Variants in ZNF506 observed in about 807,000 individuals in gnomAD.
The protein encoded by ZNF506 is zinc finger protein 506.
In ZNF506, 10 loss-of-function variants were observed where a neutral mutation model predicts 11.6. The observed-to-expected ratio is 0.86, with a 90% CI of 0.53 to 1.46. The LOEUF is 1.46. Among genes scored for constraint, ZNF506 ranks in the 40% most tolerant of loss-of-function variants. The pLI, the probability that ZNF506 is intolerant of heterozygous loss-of-function variation, is 0.00. For missense variants in ZNF506, 425 were observed against 521.2 expected, an observed-to-expected ratio of 0.82 and a Z score of 1.80; for synonymous variants, 156 against 173.3, an observed-to-expected ratio of 0.90 and a Z score of 0.78.
intron 1 of ZNF506, among the ~76,000 whole-genome samples, chr19:19,817,129 G>A (rs1167976600): frequency 6.8e-6 from 1 of 146,190 alleles, no homozygotes; most frequent in Non-Finnish European, 1.5e-5. Context: ...TCAAACTTAA[G>A]TTTATCTCCC....
chr19:19,819,602 G>A (rs2062954889), intron 1 of ZNF506, among the ~76,000 whole-genome samples: 1 of 152,134 alleles, frequency 6.6e-6, no homozygotes, highest in African/African-American at 2.4e-5. Flanking sequence ...AAGGTTGGCT[G>A]AGGACACATC....
At chr19:19,815,293 A>T (rs549443259) in intron 1 of ZNF506, among the ~76,000 whole-genome samples, 3 of 151,758 alleles carry the variant, frequency 2.0e-5, no homozygotes, top group Non-Finnish European at 4.4e-5. Flanking sequence ...AAAACAAAAA[A>T]TACCATTGTG....
intron 1 of ZNF506, among the ~76,000 whole-genome samples, chr19:19,811,998 TTCA>T (rs2062887017): frequency 6.6e-6 from 1 of 152,096 alleles, no homozygotes; most frequent in Admixed American, 6.5e-5. Context: ...CCATGACTGC[TTCA>T]TGTTTTTTTT....
At position 19,795,617 on chromosome 19, in the gene ZNF506, G is replaced by A; in HGVS notation, c.270C>T (p.Ser90=). The change falls in exon 4 of 4, where the codon AGC becomes AGT. Residue 90 remains serine, a synonymous_variant. Transcript: ENST00000540806. ...TCACTTTTTGGAAAGAATCTTTTAT[G>A]CTCTGCTCTGACCAAAGGTCTTGGG... is the stretch of plus-strand genomic sequence containing the variant. The part of the protein sequence containing the change: ...HFAQDLWSEQ[S]IKDSFQKVIL... The A allele has an allele frequency of 6.5e-7, 1 of 1,542,026 alleles. No individual in the cohort carries two copies. Among genetic ancestry groups the A allele is most frequent in the African/African-American group, 1.4e-5 (1 of 72,234 alleles).
chr19:19,799,263 G>C (rs188163385), intron 3 of ZNF506: 1 of 404,656 alleles, frequency 2.5e-6, no homozygotes, highest in East Asian at 3.7e-5. Flanking sequence ...TATAATTATA[G>C]TAGGATATTT....
chr19:19,812,003 GT>G lies in ZNF506; in HGVS notation c.4-4936del, dbSNP rs761100646. ...ATTGTAGGAACCATGACTGCTTCATGTTTTTTTTTTTTTAAATGGCTATATG... is the reference window on the plus strand; with the variant it reads ...ATTGTAGGAACCATGACTGCTTCATGTTTTTTTTTTTTAAATGGCTATATG... On this transcript the variant is annotated intron_variant, in intron 1 of 3. Transcript: ENST00000540806. Among the ~76,000 whole-genome samples, 201 of 143,206 alleles carry G rather than the reference GT, an allele frequency of 1.4e-3. 1 individual carries two copies. Among genetic ancestry groups the G allele is most frequent in the South Asian group, 1.5e-3 (7 of 4,538 alleles). 93.9% of individuals were successfully genotyped at this position (143,206 alleles called of 152,430 possible).
chr19:19,811,474 T>C (rs1455189631), intron 1 of ZNF506, among the ~76,000 whole-genome samples: 1 of 152,252 alleles, frequency 6.6e-6, no homozygotes, highest in Non-Finnish European at 1.5e-5. Context: ...GGTAATTTTA[T>C]TAGAAAATAA....
At chr19:19,808,108 CTTTTTTTTTTTTTTT>C (rs757160026) in intron 1 of ZNF506, among the ~76,000 whole-genome samples, 43 of 56,772 alleles carry the variant, frequency 7.6e-4, no homozygotes, top group African/African-American at 2.2e-3. Context: ...TCATTAACCA[CTTTTTTTTTTTTTTT>C]TTTTTTTTTT....
chr19:19,800,985 AC>A (rs1415945281), intron 3 of ZNF506, among the ~76,000 whole-genome samples: 2 of 150,742 alleles, frequency 1.3e-5, no homozygotes, highest in Non-Finnish European at 3.0e-5. Flanking sequence ...ACATGGTAAA[AC>A]CCCGTCTCTA....
chr19:19,799,386 C>T, intron 3 of ZNF506: 1 of 624,222 alleles, frequency 1.6e-6, no homozygotes. Flanking sequence ...AGAGAACACT[C>T]CTCAACATCA....
At chr19:19,802,204 CAA>C (rs34663133) in intron 3 of ZNF506, among the ~76,000 whole-genome samples, 82 of 97,492 alleles carry the variant, frequency 8.4e-4, no homozygotes, top group Admixed American at 2.3e-3. Context: ...GACTCTATCT[CAA>C]AAAAAAAAAA....
intron 1 of ZNF506, among the ~76,000 whole-genome samples, chr19:19,809,966 G>A (rs1002263706): frequency 1.3e-5 from 2 of 151,872 alleles, no homozygotes; most frequent in Non-Finnish European, 2.9e-5. Flanking sequence ...GAGGGCACAA[G>A]AGATTTCTGC....
intron 3 of ZNF506, chr19:19,798,118 GTTAA>G (rs1283540058): frequency 2.0e-5 from 3 of 152,030 alleles, no homozygotes; most frequent in Non-Finnish European, 4.4e-5. Flanking sequence ...CTTAACTAAT[GTTAA>G]TTAGTTATGT....
At chr19:19,813,653 C>G (rs924742906) in intron 1 of ZNF506, among the ~76,000 whole-genome samples, 40 of 152,300 alleles carry the variant, frequency 2.6e-4, no homozygotes, top group African/African-American at 9.6e-4. Context: ...CTGTAAATGC[C>G]TATCAATGGT....
At chr19:19,806,342 C>T (rs577469334) in intron 2 of ZNF506, 2 of 233,220 alleles carry the variant, frequency 8.6e-6, no homozygotes, top group South Asian at 1.4e-4. Context: ...CCACAAGCTC[C>T]AACTCCAGGA....
intron 1 of ZNF506, among the ~76,000 whole-genome samples, chr19:19,807,359 C>T (rs1371531254): frequency 6.6e-6 from 1 of 152,082 alleles, no homozygotes; most frequent in African/African-American, 2.4e-5. Flanking sequence ...GGTATATTTA[C>T]ATCATACGGA....
At chr19:19,809,448 C>T (rs1169152756) in intron 1 of ZNF506, among the ~76,000 whole-genome samples, 1 of 151,970 alleles carries the variant, frequency 6.6e-6, no homozygotes, top group Admixed American at 6.6e-5. Context: ...TGCATGTTTA[C>T]CTGAAGGGGA....
intron 1 of ZNF506, among the ~76,000 whole-genome samples, chr19:19,821,306 C>T (rs897492909): frequency 2.6e-5 from 4 of 152,200 alleles, no homozygotes; most frequent in Non-Finnish European, 5.9e-5. Context: ...GACGACCTTC[C>T]CGTGGCCCCT....
chr19:19,811,473 A>T (rs1413638854), intron 1 of ZNF506, among the ~76,000 whole-genome samples: 2 of 152,130 alleles, frequency 1.3e-5, no homozygotes, highest in Non-Finnish European at 2.9e-5. Flanking sequence ...GGGTAATTTT[A>T]TTAGAAAATA....
Sources: gnomAD v4.1 joint callset for allele counts (sites outside exome capture counted in the v4.1 genomes callset) on GRCh38, gnomAD v4.1.1 for gene constraint, MANE v1.5 for transcripts, NCBI Gene and HGNC (gene_info 2026-07-23, HGNC 2026-07-21) for gene names.